Variants in CHRNA7 observed in about 807,000 individuals in gnomAD.
CHRNA7 encodes the protein neuronal acetylcholine receptor subunit alpha-7.
A neutral mutation model predicts 48.0 loss-of-function variants in CHRNA7; 17 were observed. The ratio of observed to expected loss-of-function variants is 0.35; its 90% CI spans 0.24 to 0.53. CHRNA7 has a LOEUF of 0.53. CHRNA7 is among the 20% of genes least tolerant of loss of function. The pLI, the probability that CHRNA7 is intolerant of heterozygous loss-of-function variation, is 0.92. For synonymous variants in CHRNA7, 75 were observed against 242.3 expected, an observed-to-expected ratio of 0.31 and a Z score of 6.41; for missense variants, 155 against 577.7, an observed-to-expected ratio of 0.27 and a Z score of 7.50.
At chr15:32,106,094 G>A (rs1428831947) in intron 3 of CHRNA7, among the ~76,000 whole-genome samples, 1 of 152,200 alleles carries the variant, frequency 6.6e-6, no homozygotes, top group Non-Finnish European at 1.5e-5. Flanking sequence ...CTGTTCTTGT[G>A]TTCCCTGGCT....
chr15:32,140,116 C>A (rs913532621), intron 4 of CHRNA7, among the ~76,000 whole-genome samples: 3 of 150,142 alleles, frequency 2.0e-5, no homozygotes, highest in African/African-American at 7.4e-5. Context: ...TGTTCCCTGC[C>A]CTGTGTCCAT....
At chr15:32,152,558 A>G (rs1423586496) in intron 4 of CHRNA7, among the ~76,000 whole-genome samples, 1 of 152,200 alleles carries the variant, frequency 6.6e-6, no homozygotes, top group East Asian at 1.9e-4. Flanking sequence ...TGGCTTCTGC[A>G]GGAAGGAAGG....
At position 32,031,581 on chromosome 15, in the gene CHRNA7, C is replaced by T. The variant is rs7165212; in HGVS notation, c.195+544C>T. Among the ~76,000 whole-genome samples, 489 of 152,314 alleles carry T rather than the reference C, an allele frequency of 3.2e-3. 2 individuals carry two copies. Among genetic ancestry groups the T allele is most frequent in the African/African-American group, 0.011 (474 of 41,580 alleles). ...CATCTTAGGAATGGGCATGCTTTGC[C>T]TTCCTGGTGAGGACAGGTACTGGGA... On this transcript the variant is annotated intron_variant, in intron 2 of 9. Coordinates refer to ENST00000306901, the MANE Select transcript of CHRNA7 (RefSeq NM_000746.6).
chr15:32,115,246 G>A (rs533804954), intron 4 of CHRNA7, among the ~76,000 whole-genome samples: 51 of 152,326 alleles, frequency 3.3e-4, no homozygotes, highest in South Asian at 1.0e-3. Context: ...GAAGGAAAGC[G>A]GTGGAACTGC....
intron 2 of CHRNA7, among the ~76,000 whole-genome samples, chr15:32,094,332 CACTTA>C (rs1445098850): frequency 1.7e-4 from 26 of 152,296 alleles, no homozygotes; most frequent in South Asian, 1.5e-3. Context: ...GACCTCTAGA[CACTTA>C]ATTCCTAAGC....
At chr15:32,139,620 G>A (rs535187361) in intron 4 of CHRNA7, among the ~76,000 whole-genome samples, 1 of 151,876 alleles carries the variant, frequency 6.6e-6, no homozygotes, top group South Asian at 2.1e-4. Flanking sequence ...TGACAATGTG[G>A]AACATATTTC....
At chr15:32,114,061 CAT>C (rs35944403) in intron 4 of CHRNA7, among the ~76,000 whole-genome samples, 40 of 120,204 alleles carry the variant, frequency 3.3e-4, no homozygotes, top group African/African-American at 1.1e-3. Flanking sequence ...TATATATATA[CAT>C]ATATATATAT....
intron 2 of CHRNA7, among the ~76,000 whole-genome samples, chr15:32,048,848 C>T (rs535263377): frequency 2.0e-5 from 3 of 151,480 alleles, no homozygotes; most frequent in Non-Finnish European, 4.4e-5. Flanking sequence ...TGAATGCATC[C>T]CAGAGATTCT....
At chr15:32,032,888 A>G (rs1230393304) in intron 2 of CHRNA7, among the ~76,000 whole-genome samples, 1 of 152,114 alleles carries the variant, frequency 6.6e-6, no homozygotes, top group Non-Finnish European at 1.5e-5. Flanking sequence ...TCTTTAAGAG[A>G]CTCTTAAGAA....
chr15:32,141,953 C>G (rs1237623756), intron 4 of CHRNA7, among the ~76,000 whole-genome samples: 1 of 152,178 alleles, frequency 6.6e-6, no homozygotes, highest in Non-Finnish European at 1.5e-5. Context: ...ACTTCCAACA[C>G]TATGTTGAAT....
chr15:32,147,985 TAGATC>T (rs2051527161), intron 4 of CHRNA7, among the ~76,000 whole-genome samples: 1 of 152,190 alleles, frequency 6.6e-6, no homozygotes, highest in African/African-American at 2.4e-5. Flanking sequence ...AATGACACCT[TAGATC>T]AGATAGATGA....
chr15:32,031,013 G>T lies in CHRNA7; in HGVS notation c.171G>T (p.Leu57=). ...AACCACTCACCGTCTACTTCTCCCT[G>T]AGCCTCCTGCAGATCATGGACGTGG... The part of the protein sequence containing the change: ...DSQPLTVYFS[L]SLLQIMDVDE... Residue 57 remains leucine, a synonymous_variant, in exon 2 of 10, where the codon CTG becomes CTT. Transcript: ENST00000306901. The T allele has an allele frequency of 6.2e-7, 1 of 1,614,194 alleles. No individual in the cohort carries two copies. Among genetic ancestry groups the T allele is most frequent in the Middle Eastern group, 1.6e-4 (1 of 6,062 alleles).
At chr15:32,073,626 G>A (rs1430629505) in intron 2 of CHRNA7, among the ~76,000 whole-genome samples, 1 of 152,096 alleles carries the variant, frequency 6.6e-6, no homozygotes, top group Non-Finnish European at 1.5e-5. Flanking sequence ...TGGAGGCAGG[G>A]GCTGGTGGAA....
chr15:32,126,710 TCAC>T (rs1470939372), intron 4 of CHRNA7, among the ~76,000 whole-genome samples: 1 of 152,200 alleles, frequency 6.6e-6, no homozygotes, highest in African/African-American at 2.4e-5. Context: ...ACTTTCTAGT[TCAC>T]CATTGTTGGA....
rs376276457 is a variant in CHRNA7, at chr15:32,031,052, G to C, written c.195+15G>C. 5 of 1,613,888 alleles carry C rather than the reference G, an allele frequency of 3.1e-6. No individual in the cohort carries two copies. Among genetic ancestry groups the C allele is most frequent in the South Asian group, 2.2e-5 (2 of 91,042 alleles). On this transcript the variant is annotated intron_variant, in intron 2 of 9. Coordinates refer to ENST00000306901, the MANE Select transcript of CHRNA7 (RefSeq NM_000746.6). ...TCATGGACGTGGTGAGTCCCGCCTG[G>C]CTACAGGGCTGCCCTCTCCCCTTCC...
intron 2 of CHRNA7, 35 bp from the exon 3 acceptor site, chr15:32,101,268 T>G: frequency 6.3e-7 from 1 of 1,577,570 alleles, no homozygotes; most frequent in Non-Finnish European, 8.6e-7. Flanking sequence ...GTAAACCATA[T>G]TATTTATGCT....
chr15:32,150,347 T>C (rs568301797), intron 4 of CHRNA7, among the ~76,000 whole-genome samples: 8 of 152,342 alleles, frequency 5.3e-5, no homozygotes, highest in Admixed American at 5.2e-4. Context: ...TGTGGGCCAC[T>C]GTGCCCAGAC....
chr15:32,101,168 T>C (rs902213892), intron 2 of CHRNA7, 135 bp from the exon 3 acceptor site: 12 of 818,540 alleles, frequency 1.5e-5, no homozygotes, highest in Non-Finnish European at 2.3e-5. Flanking sequence ...TTGCATATAT[T>C]GGAAGTGCTT....
chr15:32,169,221 A>G lies in CHRNA7; in HGVS notation c.*763A>G, dbSNP rs2052342871. ...TAACTCCTAGGTGCTGCTCTCAGACACTGAGGAGTTGAGCAAATCTGTTCT... is the reference window on the plus strand; with the variant it reads ...TAACTCCTAGGTGCTGCTCTCAGACGCTGAGGAGTTGAGCAAATCTGTTCT... On this transcript the variant is annotated 3_prime_UTR_variant, in exon 10 of 10. Coordinates refer to ENST00000306901, the MANE Select transcript of CHRNA7 (RefSeq NM_000746.6). 6.7e-6 allele frequency: 1 copy of G among 148,550 alleles called. No individual in the cohort carries two copies. The highest frequency in any genetic ancestry group is 2.5e-5 in the African/African-American group (1 of 40,240). The allele number at this position is 148,550 out of a possible 1,614,324, so 9.2% of individuals were successfully genotyped here.
Sources: allele counts gnomAD v4.1 joint callset (sites outside exome capture counted in the v4.1 genomes callset), GRCh38; gene constraint gnomAD v4.1.1; transcripts MANE v1.5; gene names NCBI Gene and HGNC (gene_info 2026-07-23, HGNC 2026-07-21).